GNA14: variants seen among roughly 807,000 people sequenced by gnomAD.
GNA14 encodes guanine nucleotide-binding protein subunit alpha-14.
GNA14 carries 50 observed loss-of-function variants against 42.0 expected under a neutral mutation model. That is an observed-to-expected ratio of 1.19 (90% CI 0.95 to 1.51). The LOEUF is 1.51. GNA14 is among the 40% of genes most tolerant of loss of function. The pLI, the probability that GNA14 is intolerant of heterozygous loss-of-function variation, is 0.00. For synonymous variants in GNA14, 173 were observed against 163.1 expected, an observed-to-expected ratio of 1.06 and a Z score of -0.46; for missense variants, 473 against 446.2, an observed-to-expected ratio of 1.06 and a Z score of -0.54.
intron 2 of GNA14, among the ~76,000 whole-genome samples, chr9:77,520,288 T>C (rs1837335015): frequency 6.6e-6 from 1 of 152,136 alleles, no homozygotes; most frequent in Non-Finnish European, 1.5e-5. Flanking sequence ...TTGGTACATG[T>C]TTGAGGCATT....
intron 1 of GNA14, among the ~76,000 whole-genome samples, chr9:77,579,292 A>G (rs1357096180): frequency 6.6e-6 from 1 of 152,202 alleles, no homozygotes; most frequent in Non-Finnish European, 1.5e-5. Context: ...ATTGCCAACA[A>G]ACACCCATAC....
intron 2 of GNA14, among the ~76,000 whole-genome samples, chr9:77,482,188 C>T (rs1373111890): frequency 1.3e-5 from 2 of 152,104 alleles, no homozygotes; most frequent in Non-Finnish European, 2.9e-5. Context: ...TGGCTGGTAC[C>T]AGTTGTTCCT....
rs116701791 is a variant in GNA14, at chr9:77,447,680, A to G, written c.310-13158T>C. On this transcript the variant is annotated intron_variant, in intron 2 of 6. Transcript: ENST00000341700. The stretch of plus-strand genomic sequence containing the variant: ...TTCAGGGATCCAGGCTCACTCCAGC[A>G]AGTGAGTACACCAACTTGAAGGGCC... 7.9e-3 allele frequency among the ~76,000 whole-genome samples: 1,210 copies of G among 152,280 alleles called. 17 individuals are homozygous for G. Among genetic ancestry groups the G allele is most frequent in the African/African-American group, 0.027 (1,108 of 41,562 alleles).
intron 2 of GNA14, among the ~76,000 whole-genome samples, chr9:77,514,886 T>A (rs1837227074): frequency 6.6e-6 from 1 of 152,174 alleles, no homozygotes; most frequent in South Asian, 2.1e-4. Flanking sequence ...GTGCTGGGAT[T>A]ACAGGCATGA....
At chr9:77,621,975 G>C (rs1823931059) in intron 1 of GNA14, among the ~76,000 whole-genome samples, 1 of 152,174 alleles carries the variant, frequency 6.6e-6, no homozygotes, top group Admixed American at 6.5e-5. Flanking sequence ...GCCCAGGCTG[G>C]AGTGCAATGG....
chr9:77,557,762 T>G (rs1822812044), intron 1 of GNA14, among the ~76,000 whole-genome samples: 1 of 152,180 alleles, frequency 6.6e-6, no homozygotes, highest in Non-Finnish European at 1.5e-5. Flanking sequence ...CATTCATGAC[T>G]AGACAATCCC....
At chr9:77,448,256 A>G (rs143173794) in intron 2 of GNA14, among the ~76,000 whole-genome samples, 1 of 152,348 alleles carries the variant, frequency 6.6e-6, no homozygotes, top group African/African-American at 2.4e-5. Context: ...TGCTACAAAC[A>G]GTCCCCAACT....
chr9:77,553,768 A>C (rs1288622594), intron 1 of GNA14, among the ~76,000 whole-genome samples: 1 of 152,198 alleles, frequency 6.6e-6, no homozygotes, highest in Non-Finnish European at 1.5e-5. Flanking sequence ...TCACCCAAAA[A>C]TTCCAATTCT....
At chr9:77,455,597 T>A (rs533510126) in intron 2 of GNA14, among the ~76,000 whole-genome samples, 2 of 152,304 alleles carry the variant, frequency 1.3e-5, no homozygotes, top group African/African-American at 4.8e-5. Flanking sequence ...TCCCTCGGCT[T>A]ATATTTTTAA....
At chr9:77,566,571 C>A (rs963125350) in intron 1 of GNA14, among the ~76,000 whole-genome samples, 1 of 152,146 alleles carries the variant, frequency 6.6e-6, no homozygotes, top group Admixed American at 6.5e-5. Flanking sequence ...CTCCCATCAA[C>A]AGGACAAGAG....
At chr9:77,491,100 C>T (rs1836766364) in intron 2 of GNA14, among the ~76,000 whole-genome samples, 1 of 152,198 alleles carries the variant, frequency 6.6e-6, no homozygotes, top group Admixed American at 6.5e-5. Context: ...AAAACTCTGC[C>T]ATCCAAGAAT....
intron 1 of GNA14, among the ~76,000 whole-genome samples, chr9:77,641,157 GAA>G (rs1824261095): frequency 3.7e-5 from 5 of 134,062 alleles, no homozygotes; most frequent in Admixed American, 2.3e-4. Context: ...AGGAAGGAAG[GAA>G]GGAAGGAAGG....
chr9:77,616,893 A>C (rs910584217), intron 1 of GNA14, among the ~76,000 whole-genome samples: 7 of 151,764 alleles, frequency 4.6e-5, no homozygotes, highest in Non-Finnish European at 8.8e-5. Context: ...TTTTTGAGGC[A>C]GAGTCTCACT....
At chr9:77,533,199 C>T (rs1161347044) in intron 1 of GNA14, among the ~76,000 whole-genome samples, 2 of 152,114 alleles carry the variant, frequency 1.3e-5, no homozygotes, top group Non-Finnish European at 2.9e-5. Flanking sequence ...ATTTTGGAGA[C>T]AGAGTCTTGC....
chr9:77,448,190 C>T (rs1564017027), intron 2 of GNA14, among the ~76,000 whole-genome samples: 2 of 152,204 alleles, frequency 1.3e-5, no homozygotes, highest in African/African-American at 4.8e-5. Context: ...CCAGTATGGT[C>T]CACCAAGGCT....
At chr9:77,528,318 G>T (rs980679892) in intron 2 of GNA14, among the ~76,000 whole-genome samples, 2 of 151,862 alleles carry the variant, frequency 1.3e-5, no homozygotes, top group African/African-American at 4.8e-5. Context: ...TTGTAATTTG[G>T]TATCAATTAT....
chr9:77,446,623 T>C (rs1835822077), intron 2 of GNA14, among the ~76,000 whole-genome samples: 2 of 151,272 alleles, frequency 1.3e-5, no homozygotes, highest in African/African-American at 4.9e-5. Flanking sequence ...TGAGGGAGAG[T>C]GAAGGAGAAG....
intron 2 of GNA14, among the ~76,000 whole-genome samples, chr9:77,515,701 C>T (rs1041730259): frequency 3.9e-5 from 6 of 151,948 alleles, no homozygotes; most frequent in African/African-American, 9.7e-5. Context: ...CTGTGGCTCA[C>T]GTCAGTAATC....
At chr9:77,444,239 G>A (rs145067791) in intron 2 of GNA14, among the ~76,000 whole-genome samples, 129 of 152,292 alleles carry the variant, frequency 8.5e-4, no homozygotes, top group African/African-American at 2.8e-3. Flanking sequence ...TCCACTTTCC[G>A]GGTCTGAAGG....
Sources: allele counts gnomAD v4.1 joint callset (sites outside exome capture counted in the v4.1 genomes callset), GRCh38; gene constraint gnomAD v4.1.1; transcripts MANE v1.5; gene names NCBI Gene and HGNC (gene_info 2026-07-23, HGNC 2026-07-21).